Variants in SERPINB5 observed in about 807,000 individuals in gnomAD.
SERPINB5 encodes serpin B5.
A neutral mutation model predicts 32.2 loss-of-function variants in SERPINB5; 27 were observed. The ratio of observed to expected loss-of-function variants is 0.84; its 90% CI spans 0.62 to 1.16. The LOEUF (loss-of-function observed/expected upper bound fraction) is 1.16. Ranked by LOEUF, SERPINB5 falls within the 50% of genes most tolerant of loss-of-function variation. The pLI is 0.00. For synonymous variants in SERPINB5, 154 were observed against 157.4 expected, an observed-to-expected ratio of 0.98 and a Z score of 0.16; for missense variants, 388 against 436.3, an observed-to-expected ratio of 0.89 and a Z score of 0.99.
chr18:63,495,113 C>G (rs1192594151), intron 5 of SERPINB5, among the ~76,000 whole-genome samples: 1 of 152,194 alleles, frequency 6.6e-6, no homozygotes, highest in Non-Finnish European at 1.5e-5. Context: ...AGGAGGTCCT[C>G]CTAACTTCCT....
At chr18:63,481,583 T>C (rs979720161) in intron 1 of SERPINB5, among the ~76,000 whole-genome samples, 11 of 152,218 alleles carry the variant, frequency 7.2e-5, no homozygotes, top group Admixed American at 6.5e-4. Flanking sequence ...GCTTCTCTAT[T>C]TGGTGAAGAA....
At position 63,498,681 on chromosome 18, in the gene SERPINB5, G is replaced by C. The variant is rs1909501471; in HGVS notation, c.568-439G>C. On this transcript the variant is annotated intron_variant, in intron 5 of 6. Coordinates refer to ENST00000382771, the MANE Select transcript of SERPINB5 (RefSeq NM_002639.5). This position sits in a 1 kb window ranked among gnomAD's most constrained non-coding sequence, Gnocchi z 4.2. The stretch of plus-strand genomic sequence containing the variant: ...CAGTCTCTGGTTTCAGTGCAATACA[G>C]TTTGGATCTGAGTGGATGATGAATT... 6.6e-6 allele frequency among the ~76,000 whole-genome samples: 1 copy of C among 152,018 alleles called. No individual in the cohort carries two copies. Among genetic ancestry groups the C allele is most frequent in the African/African-American group, 2.4e-5 (1 of 41,376 alleles).
At chr18:63,479,130 G>A (rs1917084188) in intron 1 of SERPINB5, among the ~76,000 whole-genome samples, 1 of 152,220 alleles carries the variant, frequency 6.6e-6, no homozygotes, top group South Asian at 2.1e-4. Context: ...CCCGTGATGT[G>A]TGGGTGAAGA....
intron 5 of SERPINB5, among the ~76,000 whole-genome samples, chr18:63,494,321 CAAAAAAA>C (rs372412366): frequency 1.7e-4 from 8 of 46,688 alleles, no homozygotes; most frequent in African/African-American, 2.4e-4. Flanking sequence ...GACTCCATCT[CAAAAAAA>C]AAAAAAAAAA....
intron 1 of SERPINB5, among the ~76,000 whole-genome samples, chr18:63,483,880 C>A (rs1198632352): frequency 6.6e-6 from 1 of 152,202 alleles, no homozygotes; most frequent in Non-Finnish European, 1.5e-5. Flanking sequence ...ATAGGACATA[C>A]CCTGTTTCCA....
At chr18:63,487,587 C>G (rs1917236077) in intron 3 of SERPINB5, among the ~76,000 whole-genome samples, 1 of 152,198 alleles carries the variant, frequency 6.6e-6, no homozygotes, top group Non-Finnish European at 1.5e-5. Flanking sequence ...TTTCATCAGT[C>G]ACAAATTAGT....
intron 1 of SERPINB5, among the ~76,000 whole-genome samples, chr18:63,484,009 C>T (rs1401987683): frequency 8.5e-5 from 13 of 152,176 alleles, no homozygotes; most frequent in African/African-American, 2.2e-4. Flanking sequence ...TGCTGCAATT[C>T]GACTGTTTTT....
chr18:63,485,802 C>T (rs535481176), intron 2 of SERPINB5: 2 of 152,934 alleles, frequency 1.3e-5, no homozygotes, highest in South Asian at 4.2e-4. Context: ...TATGCACTGT[C>T]TGGGACCAGC....
rs574900556 is a variant in SERPINB5 at position 63,484,726 on chromosome 18, C to G, written c.168+130C>G. On this transcript the variant is annotated intron_variant, in intron 2 of 6. Coordinates refer to ENST00000382771, the MANE Select transcript of SERPINB5 (RefSeq NM_002639.5). ...GTCAAGATTCAGAACTGTGCCATTC[C>G]AGGACTCTCTTAATCTTTTTTTTTT... is the stretch of plus-strand genomic sequence containing the variant. 3.2e-3 allele frequency: 1,264 copies of G among 391,600 alleles called. 12 individuals are homozygous for G. The highest frequency in any genetic ancestry group is 0.023 in the African/African-American group (1,105 of 47,438). The allele number at this position is 391,600 out of a possible 1,614,324, so 24.3% of individuals were successfully genotyped here.
intron 1 of SERPINB5, 76 bp from the exon 2 acceptor site, chr18:63,484,346 T>G: frequency 3.1e-6 from 4 of 1,305,050 alleles, no homozygotes; most frequent in Non-Finnish European, 4.2e-6. Flanking sequence ...AGAATTCTTA[T>G]AGTGTTGGCA....
At chr18:63,489,806 G>A (rs1055870377) in intron 4 of SERPINB5, among the ~76,000 whole-genome samples, 2 of 152,084 alleles carry the variant, frequency 1.3e-5, no homozygotes. Flanking sequence ...GGAAATAGAG[G>A]GACTGGATTA....
intron 3 of SERPINB5, among the ~76,000 whole-genome samples, chr18:63,488,333 T>C (rs1444494240): frequency 2.0e-5 from 3 of 152,210 alleles, no homozygotes; most frequent in Admixed American, 6.5e-5. Context: ...AATCAAGTTA[T>C]ATTTAGTTTC....
intron 4 of SERPINB5, among the ~76,000 whole-genome samples, chr18:63,490,055 G>A (rs1343816251): frequency 2.6e-5 from 4 of 152,278 alleles, no homozygotes; most frequent in South Asian, 2.1e-4. Flanking sequence ...AGCCGGGCGT[G>A]GTGGCGGGCG....
intron 1 of SERPINB5, among the ~76,000 whole-genome samples, chr18:63,484,110 G>C (rs115316752): frequency 0.018 from 2,776 of 152,346 alleles, 82 homozygotes; most frequent in African/African-American, 0.063. Context: ...GATTAGTGCT[G>C]TCAACTTTTC....
chr18:63,478,409 A>G (rs1917071178), intron 1 of SERPINB5, among the ~76,000 whole-genome samples: 1 of 152,206 alleles, frequency 6.6e-6, no homozygotes, highest in Non-Finnish European at 1.5e-5. Flanking sequence ...GCAATTACTA[A>G]TAGCTGTATT....
chr18:63,489,544 A>G (rs964095698), intron 4 of SERPINB5, 80 bp downstream of exon 4: 2 of 754,128 alleles, frequency 2.7e-6, no homozygotes, highest in African/African-American at 1.9e-5. Flanking sequence ...CTCCAAGGAT[A>G]AAAAAAACAT....
In SERPINB5 at chr18:63,487,088, GT is replaced by G; in HGVS notation, c.306+7del. 3.1e-6 allele frequency: 5 copies of G among 1,612,890 alleles called. No individual in the cohort carries two copies. The highest frequency in any genetic ancestry group is 4.2e-6 in the Non-Finnish European group (5 of 1,179,534). ...AAATCTCTGAATCTTTCTACAGTAA[GT>G]TGTTTAAAGCAAGTAGCAAGACTTA... On this transcript the variant is annotated splice_donor_region_variant and intron_variant, in intron 3 of 6. Transcript: ENST00000382771.
At chr18:63,494,778 C>G (rs917347160) in intron 5 of SERPINB5, among the ~76,000 whole-genome samples, 3 of 152,178 alleles carry the variant, frequency 2.0e-5, no homozygotes, top group African/African-American at 7.2e-5. Context: ...TGCTTTTCCA[C>G]AGTGAAATCT....
Position 63,484,462 on chromosome 18 carries a change from G to C in SERPINB5, c.34G>C (p.Ala12Pro). The C allele has an allele frequency of 6.2e-7, 1 of 1,613,574 alleles. No homozygotes were observed. The highest frequency in any genetic ancestry group is 8.5e-7 in the Non-Finnish European group (1 of 1,179,848). ...DALQLANSAFAVDLFKQLCEK... is the reference protein window; with the variant it reads ...DALQLANSAFPVDLFKQLCEK... ...CCTGCAACTAGCAAATTCGGCTTTT[G>C]CCGTTGATCTGTTCAAACAACTATG... Residue 12 changes from alanine (A) to proline (P), a missense_variant, in exon 2 of 7, where the codon GCC becomes CCC. Coordinates refer to ENST00000382771, the MANE Select transcript of SERPINB5 (RefSeq NM_002639.5).
Sources: allele counts gnomAD v4.1 joint callset (sites outside exome capture counted in the v4.1 genomes callset), GRCh38; gene constraint gnomAD v4.1.1; non-coding constraint Gnocchi (gnomAD v3.1); transcripts MANE v1.5; gene names NCBI Gene and HGNC (gene_info 2026-07-23, HGNC 2026-07-21).